The following NPEPL1 variants were observed in gnomAD, a reference collection of about 807,000 sequenced individuals.
The protein encoded by NPEPL1 is probable aminopeptidase NPEPL1.
NPEPL1 carries 45 observed loss-of-function variants against 52.4 expected under a neutral mutation model. The ratio of observed to expected loss-of-function variants is 0.86; its 90% CI spans 0.68 to 1.10. NPEPL1 has a LOEUF of 1.10. Ranked by LOEUF, NPEPL1 falls within the 50% of genes least tolerant of loss-of-function variation. The pLI is 0.00. For missense variants in NPEPL1, 696 were observed against 710.9 expected, an observed-to-expected ratio of 0.98 and a Z score of 0.24; for synonymous variants, 360 against 314.7, an observed-to-expected ratio of 1.14 and a Z score of -1.52.
chr20:58,693,630 C>T, intron 1 of NPEPL1, 107 bp from the exon 2 acceptor site: 2 of 972,164 alleles, frequency 2.1e-6, no homozygotes, highest in Non-Finnish European at 3.1e-6. Flanking sequence ...TGCGCAGTGC[C>T]CTTCCAGGAC....
At chr20:58,699,156 A>G (rs1300043466) in intron 4 of NPEPL1, 41 bp from the exon 5 acceptor site, 4 of 1,523,302 alleles carry the variant, frequency 2.6e-6, no homozygotes, top group Non-Finnish European at 2.7e-6. Context: ...AGCCATCTTC[A>G]TGTGTTGTTG....
Position 58,701,224 on chromosome 20 carries a change from G to A in NPEPL1, c.822+66G>A, listed in dbSNP as rs867206139. ...GAGGGGAAGGTGAGGTGCAGGGCCC[G>A]GCTCTCCCGGGTGCCCTGGGGGTGG... On this transcript the variant is annotated intron_variant, in intron 6 of 11. Coordinates refer to ENST00000356091, the MANE Select transcript of NPEPL1 (RefSeq NM_024663.4). 5.4e-5 allele frequency: 42 copies of A among 781,114 alleles called. 1 individual carries two copies. In the Middle Eastern group the frequency reaches 2.6e-3, roughly 49 times the overall value. The allele number at this position is 781,114 out of a possible 1,614,324, so 48.4% of individuals were successfully genotyped here. A position where few individuals can be genotyped will look rare whatever the true frequency, so the allele number is the denominator to read the frequency against.
intron 3 of NPEPL1, among the ~76,000 whole-genome samples, chr20:58,697,652 T>G (rs76151872): frequency 0.031 from 4,772 of 152,306 alleles, 280 homozygotes; most frequent in African/African-American, 0.11. Flanking sequence ...CTTAATATTG[T>G]CTTTCTGGTG....
At position 58,692,988 on chromosome 20, in the gene NPEPL1, C is replaced by T; in HGVS notation, c.88C>T (p.His30Tyr). 1 of 1,175,698 alleles carries T rather than the reference C, an allele frequency of 8.5e-7. No individual in the cohort carries two copies. The highest frequency in any genetic ancestry group is 3.3e-5 in the Admixed American group (1 of 30,064). 72.8% of individuals were successfully genotyped at this position (1,175,698 alleles called of 1,614,324 possible). A position where few individuals can be genotyped will look rare whatever the true frequency, so the allele number is the denominator to read the frequency against. ...CCTGCTGCTGCTCGGGCAGCTGCAC[C>T]ACCTGCACCGCGTGCCCTGGAGCCA... is the stretch of plus-strand genomic sequence containing the variant. ...RPLLLLGQLH[H>Y]LHRVPWSHVR... is the part of the protein sequence containing the mutation. Residue 30 changes from histidine (H) to tyrosine (Y), a missense_variant, in exon 1 of 12, where the codon CAC (histidine) becomes TAC (tyrosine). Physicochemically the swap from His to Tyr is moderately conservative, Grantham distance 83 (BLOSUM62 2). Coordinates refer to ENST00000356091, the MANE Select transcript of NPEPL1 (RefSeq NM_024663.4). This position sits in a 1 kb window ranked among gnomAD's most constrained non-coding sequence, Gnocchi z 5.7.
Position 58,698,745 on chromosome 20 carries a change from A to G in NPEPL1, c.569A>G (p.Asn190Ser), listed in dbSNP as rs372990644. The G allele has an allele frequency of 5.6e-6, 9 of 1,612,802 alleles. No homozygotes were observed. Among genetic ancestry groups the G allele is most frequent in the Admixed American group, 5.0e-5 (3 of 59,980 alleles). Residue 190 changes from asparagine to serine, a missense_variant, in exon 4 of 12, where the codon AAT becomes AGT. Asn to Ser is a conservative substitution (Grantham distance 46, BLOSUM62 1). Transcript: ENST00000356091. Reference protein sequence around the residue: ...LAARIVDTPCNEMNTDTFLEE... With the variant: ...LAARIVDTPCSEMNTDTFLEE... ...GCCCGCATCGTGGACACACCCTGCA[A>G]TGAGATGAACACCGACACCTTCCTC...
In NPEPL1 at chr20:58,698,703, A is replaced by G; in HGVS notation, c.527A>G (p.Asp176Gly). 1 of 1,612,826 alleles carries G rather than the reference A, an allele frequency of 6.2e-7. No homozygotes were observed. Among genetic ancestry groups the G allele is most frequent in the Non-Finnish European group, 8.5e-7 (1 of 1,179,820 alleles). The change falls in exon 4 of 12, where the codon GAC (aspartate) becomes GGC (glycine). Residue 176 changes from aspartate (D) to glycine (G), a missense_variant. Asp to Gly is a moderately conservative substitution (Grantham distance 94). Coordinates refer to ENST00000356091, the MANE Select transcript of NPEPL1 (RefSeq NM_024663.4). ...CCCTAGTGCTTAGCGAATGCCACAG[A>G]CGGCGTGCGGCTAGCAGCCCGCATC... ...STLQCLANAT[D>G]GVRLAARIVD...
At chr20:58,702,203 G>T (rs56315703) in intron 6 of NPEPL1, among the ~76,000 whole-genome samples, 11,944 of 152,328 alleles carry the variant, frequency 0.078, 1,332 homozygotes, top group African/African-American at 0.25. Context: ...TCAAAGCCTG[G>T]ATTTCCGGCC....
At chr20:58,690,250 A>G (rs1273658641), upstream of NPEPL1, among the ~76,000 whole-genome samples, 2 of 152,212 alleles carry the variant, frequency 1.3e-5, no homozygotes, top group African/African-American at 4.8e-5. Flanking sequence ...TGAACATCCA[A>G]TTGAATGTGG....
intron 3 of NPEPL1, among the ~76,000 whole-genome samples, chr20:58,698,209 C>T (rs2084530516): frequency 6.6e-6 from 1 of 151,810 alleles, no homozygotes; most frequent in African/African-American, 2.4e-5. Flanking sequence ...GGAAAAGCTA[C>T]TGGTAGATAC....
chr20:58,694,659 C>T, intron 3 of NPEPL1, 67 bp downstream of exon 3: 3 of 1,467,822 alleles, frequency 2.0e-6, no homozygotes, highest in South Asian at 1.3e-5. Context: ...GGAGGGAGGT[C>T]GGGAGAGGGA....
Position 58,713,371 on chromosome 20 carries a change from G to A in NPEPL1, c.1002-49G>A. ...CCCAGTTTCAAAGGGGCTCATGCCAGTGTCCCAGGAAATCCCGTCCCTGAG... is the reference window on the plus strand; with the variant it reads ...CCCAGTTTCAAAGGGGCTCATGCCAATGTCCCAGGAAATCCCGTCCCTGAG... On this transcript the variant is annotated intron_variant, in intron 8 of 11. Transcript: ENST00000356091. This position sits in a 1 kb window ranked among gnomAD's most constrained non-coding sequence, Gnocchi z 4.6. The A allele has an allele frequency of 6.5e-7, 1 of 1,537,020 alleles. No homozygotes were observed. Among genetic ancestry groups the A allele is most frequent in the Non-Finnish European group, 8.8e-7 (1 of 1,135,010 alleles).
chr20:58,703,690 T>C, intron 6 of NPEPL1: 3 of 985,044 alleles, frequency 3.0e-6, no homozygotes, highest in Non-Finnish European at 3.6e-6. Context: ...CTCATGTGGC[T>C]GTGGGTAGAC....
chr20:58,695,151 G>C (rs2084452414), intron 3 of NPEPL1, among the ~76,000 whole-genome samples: 1 of 142,176 alleles, frequency 7.0e-6, no homozygotes. Context: ...TGTGTGTGGT[G>C]TGCATGTGTG....
At chr20:58,694,667 G>A in intron 3 of NPEPL1, 75 bp downstream of exon 3, 1 of 1,438,768 alleles carries the variant, frequency 7.0e-7, no homozygotes, top group Non-Finnish European at 9.3e-7. Flanking sequence ...GTCGGGAGAG[G>A]GAAAAGCTTG....
At chr20:58,691,219 A>G, upstream of NPEPL1, 1 of 702,760 alleles carries the variant, frequency 1.4e-6, no homozygotes, top group Non-Finnish European at 2.6e-6. Context: ...AGAGATCTTC[A>G]TACACACTGT....
At chr20:58,698,874 T>G (rs1440245353) in intron 4 of NPEPL1, 101 bp downstream of exon 4, 1 of 1,012,010 alleles carries the variant, frequency 9.9e-7, no homozygotes, top group African/African-American at 1.6e-5. Flanking sequence ...CACCCTGACG[T>G]GGCCAGGGAA....
At chr20:58,708,097 A>G (rs1196707782) in intron 7 of NPEPL1, among the ~76,000 whole-genome samples, 1 of 152,164 alleles carries the variant, frequency 6.6e-6, no homozygotes, top group Non-Finnish European at 1.5e-5. Flanking sequence ...AAACAGGCCA[A>G]TGAGGAGTGT....
intron 5 of NPEPL1, among the ~76,000 whole-genome samples, chr20:58,700,277 G>A (rs1056815894): frequency 6.6e-6 from 1 of 152,218 alleles, no homozygotes; most frequent in Admixed American, 6.5e-5. Context: ...GCTCACATGA[G>A]GGGGAGGGAC....
At chr20:58,706,875 G>A (rs2084743922) in intron 6 of NPEPL1, among the ~76,000 whole-genome samples, 1 of 152,156 alleles carries the variant, frequency 6.6e-6, no homozygotes, top group South Asian at 2.1e-4. Context: ...CCAAAGTTCT[G>A]TCAAAACAAA....
Sources: allele counts gnomAD v4.1 joint callset (sites outside exome capture counted in the v4.1 genomes callset), GRCh38; gene constraint gnomAD v4.1.1; non-coding constraint Gnocchi (gnomAD v3.1); transcripts MANE v1.5; gene names NCBI Gene and HGNC (gene_info 2026-07-23, HGNC 2026-07-21).